The following DAB1 variants were observed in gnomAD, a reference collection of about 807,000 sequenced individuals.
The protein encoded by DAB1 is disabled homolog 1.
In DAB1, 15 loss-of-function variants were observed where a neutral mutation model predicts 64.6. The ratio of observed to expected loss-of-function variants is 0.23; its 90% CI spans 0.16 to 0.36. DAB1 has a LOEUF of 0.36. DAB1 is among the 10% of genes least tolerant of loss of function. The pLI is 1.00. For missense variants in DAB1, 596 were observed against 706.7 expected (o/e 0.84, Z 1.78); for synonymous variants, 235 against 251.9 (o/e 0.93, Z 0.64).
At chr1:57,767,557 TAG>T (rs1649369268) in intron 6 of DAB1, among the ~76,000 whole-genome samples, 1 of 152,190 alleles carries the variant, frequency 6.6e-6, no homozygotes, top group African/African-American at 2.4e-5. Context: ...TTGATTCTTC[TAG>T]AGTTTACTAC....
At chr1:57,244,097 T>C (rs1668693131) in intron 2 of DAB1, among the ~76,000 whole-genome samples, 2 of 152,232 alleles carry the variant, frequency 1.3e-5, no homozygotes, top group Admixed American at 6.5e-5. Context: ...ATATTCTCTT[T>C]TTGTGTATTC....
intron 2 of DAB1, among the ~76,000 whole-genome samples, chr1:57,175,885 G>A (rs1662261396): frequency 6.6e-6 from 1 of 152,180 alleles, no homozygotes; most frequent in African/African-American, 2.4e-5. Flanking sequence ...GATATTCTGA[G>A]TAGACTGGAT....
At chr1:58,518,353 G>GA (rs1486522313) in intron 2 of DAB1, among the ~76,000 whole-genome samples, 518 of 45,096 alleles carry the variant, frequency 0.011, 17 homozygotes, top group Non-Finnish European at 0.021. Flanking sequence ...GAGAAGAGAA[G>GA]GGAAGGGAAG....
intron 1 of DAB1, among the ~76,000 whole-genome samples, chr1:57,386,366 GAAAAAAAAAA>G (rs5774342): frequency 8.8e-6 from 1 of 113,446 alleles, no homozygotes; most frequent in Non-Finnish European, 1.8e-5. Flanking sequence ...GGCCCCTTGG[GAAAAAAAAAA>G]AAAAAAAAAA....
intron 6 of DAB1, among the ~76,000 whole-genome samples, chr1:57,692,442 C>G (rs943988411): frequency 6.6e-6 from 1 of 151,134 alleles, no homozygotes; most frequent in Non-Finnish European, 1.5e-5. Flanking sequence ...GAGAAGGAGA[C>G]AGAACGAGGA....
At chr1:57,069,548 C>T (rs1651256456) in intron 7 of DAB1, 123 bp from the exon 8 acceptor site, 1 of 725,964 alleles carries the variant, frequency 1.4e-6, no homozygotes. Context: ...AGAGAAAACA[C>T]CTTAAAGACA....
chr1:58,247,070 T>C (rs920060272), intron 4 of DAB1, among the ~76,000 whole-genome samples: 7 of 152,022 alleles, frequency 4.6e-5, no homozygotes, highest in African/African-American at 2.4e-5. Context: ...ATCAAAGCCA[T>C]GTTCTAGAAA....
In DAB1 at chr1:58,131,730, G is replaced by T. The variant is rs948364744; in HGVS notation, n.387+18781C>A. On this transcript the variant is annotated intron_variant and non_coding_transcript_variant, in intron 5 of 20. Coordinates refer to the DAB1 transcript ENST00000485760. ...GAGTACCCTGCCGTGTGAGGTGTCA[G>T]TGTGCCCCTGCTGGGGGGTGCCTCC... Among the ~76,000 whole-genome samples, 496 of 142,522 alleles carry T rather than the reference G, an allele frequency of 3.5e-3. 5 individuals are homozygous for T. Among genetic ancestry groups the T allele is most frequent in the African/African-American group, 0.012 (456 of 38,356 alleles). 93.5% of individuals were successfully genotyped at this position (142,522 alleles called of 152,430 possible).
intron 5 of DAB1, among the ~76,000 whole-genome samples, chr1:58,131,907 TTTTG>T (rs1345422716): frequency 6.7e-6 from 1 of 150,218 alleles, no homozygotes; most frequent in Admixed American, 6.6e-5. Flanking sequence ...ACTGCTGTCT[TTTTG>T]TTTGTTTGTG....
In DAB1 at chr1:57,069,438, C is replaced by T; in HGVS notation, c.598-13G>A. 1 of 1,610,446 alleles carries T rather than the reference C, an allele frequency of 6.2e-7. No individual in the cohort carries two copies. The highest frequency in any genetic ancestry group is 2.2e-5 in the East Asian group (1 of 44,834). ...CAAACACAATGTACTATTACAGGAG[C>T]AGCCAGAAAGGAAAGGTCAGAGGTG... On this transcript the variant is annotated splice_polypyrimidine_tract_variant and intron_variant, in intron 7 of 14. Coordinates refer to ENST00000371236, the MANE Select transcript of DAB1 (RefSeq NM_001365792.1).
chr1:57,520,464 T>C (rs944360577), intron 7 of DAB1, among the ~76,000 whole-genome samples: 2 of 152,166 alleles, frequency 1.3e-5, no homozygotes, highest in African/African-American at 4.8e-5. Flanking sequence ...ATTTTTTTGT[T>C]TGTTTGTTTT....
intron 7 of DAB1, among the ~76,000 whole-genome samples, chr1:57,505,037 G>A (rs2101328638): frequency 6.6e-6 from 1 of 152,180 alleles, no homozygotes; most frequent in South Asian, 2.1e-4. Flanking sequence ...ACAGGAACAG[G>A]ACATTAGGTA....
At chr1:58,412,564 G>A (rs1158181268) in intron 3 of DAB1, among the ~76,000 whole-genome samples, 1 of 152,186 alleles carries the variant, frequency 6.6e-6, no homozygotes, top group Non-Finnish European at 1.5e-5. Context: ...CAGGATTGCA[G>A]TAGCCAAATG....
intron 2 of DAB1, among the ~76,000 whole-genome samples, chr1:57,274,884 ATTTTT>A (rs3042300): frequency 6.8e-6 from 1 of 146,854 alleles, no homozygotes; most frequent in Admixed American, 6.8e-5. Context: ...GCTCAGCCAA[ATTTTT>A]TTTTTTTTTT....
chr1:58,228,160 G>A (rs540243959), intron 4 of DAB1, among the ~76,000 whole-genome samples: 68 of 152,292 alleles, frequency 4.5e-4, no homozygotes, highest in Admixed American at 1.2e-3. Flanking sequence ...AGTATAGTCG[G>A]TTCAAGGCAA....
chr1:57,371,192 A>T (rs1680465705), intron 1 of DAB1, among the ~76,000 whole-genome samples: 1 of 152,232 alleles, frequency 6.6e-6, no homozygotes, highest in African/African-American at 2.4e-5. Context: ...GGACCTGGAC[A>T]ACCGAGGCAT....
chr1:57,174,440 G>T (rs947036743), intron 2 of DAB1, among the ~76,000 whole-genome samples: 10 of 152,088 alleles, frequency 6.6e-5, no homozygotes, highest in Non-Finnish European at 1.3e-4. Context: ...TTCCCAGCAG[G>T]CTCATAATCT....
intron 6 of DAB1, among the ~76,000 whole-genome samples, chr1:57,818,655 C>T (rs1420098152): frequency 6.6e-6 from 1 of 151,794 alleles, no homozygotes; most frequent in African/African-American, 2.4e-5. Flanking sequence ...CATTTTACAG[C>T]AGGTGAAACG....
chr1:57,873,656 A>G (rs1643992496), intron 1 of DAB1, among the ~76,000 whole-genome samples: 1 of 152,186 alleles, frequency 6.6e-6, no homozygotes, highest in Non-Finnish European at 1.5e-5. Context: ...TAAATTCTGG[A>G]GCCAGAGTTC....
Sources: gnomAD v4.1 joint callset for allele counts (sites outside exome capture counted in the v4.1 genomes callset) on GRCh38, gnomAD v4.1.1 for gene constraint, MANE v1.5 for transcripts, NCBI Gene and HGNC (gene_info 2026-07-23, HGNC 2026-07-21) for gene names.